IRGM: variants seen among roughly 807,000 people sequenced by gnomAD.
IRGM encodes the protein immunity-related GTPase family M protein.
For synonymous variants in IRGM, 98 were observed against 80.6 expected (o/e 1.22, Z -1.16); for missense variants, 288 against 219.9 (o/e 1.31, Z -1.96).
intron 1 of IRGM, among the ~76,000 whole-genome samples, chr5:150,864,687 T>G (rs550228441): frequency 6.6e-6 from 1 of 152,348 alleles, no homozygotes; most frequent in South Asian, 2.1e-4. Flanking sequence ...ATCACAAGGT[T>G]GGGTCTGCCC....
intron 3 of IRGM, among the ~76,000 whole-genome samples, chr5:150,887,706 G>T (rs1754547336): frequency 6.7e-6 from 1 of 149,146 alleles, no homozygotes; most frequent in African/African-American, 2.5e-5. Flanking sequence ...AGAAATGACA[G>T]GTCACCTGCA....
downstream of IRGM, among the ~76,000 whole-genome samples, chr5:150,901,721 C>T (rs1017605563): frequency 3.9e-5 from 6 of 151,958 alleles, no homozygotes; most frequent in African/African-American, 1.4e-4. Context: ...GGTTTTTACT[C>T]AATTCTCACA....
In IRGM at chr5:150,863,614, C is replaced by T. The variant is rs543763328; in HGVS notation, c.159-14366C>T. Among the ~76,000 whole-genome samples, 24 of 152,236 alleles carry T rather than the reference C, an allele frequency of 1.6e-4. No homozygotes were observed. In the South Asian group the frequency reaches 3.9e-3, roughly 25 times the overall value. On this transcript the variant is annotated intron_variant and NMD_transcript_variant, in intron 1 of 3. Coordinates refer to the IRGM transcript ENST00000520549. Reference sequence around the variant, plus strand: ...TGAACAATTATAATTCTTCATAATACATAAATGCATCAGTTTGGAATTTAC... The same window carrying T: ...TGAACAATTATAATTCTTCATAATATATAAATGCATCAGTTTGGAATTTAC...
intron 3 of IRGM, chr5:150,896,908 T>A: frequency 6.2e-7 from 1 of 1,613,492 alleles, no homozygotes; most frequent in Non-Finnish European, 8.5e-7. Flanking sequence ...CCTTTCAGTA[T>A]CTTATGATGG....
intron 1 of IRGM, among the ~76,000 whole-genome samples, chr5:150,868,569 G>A (rs927567931): frequency 1.8e-4 from 27 of 152,080 alleles, no homozygotes; most frequent in Admixed American, 4.6e-4. Context: ...TGGCAGTAAG[G>A]TCATTTTCAC....
At chr5:150,861,967 T>G (rs1754143277) in intron 1 of IRGM, among the ~76,000 whole-genome samples, 1 of 152,222 alleles carries the variant, frequency 6.6e-6, no homozygotes, top group African/African-American at 2.4e-5. Context: ...TCTTACAGAT[T>G]ATGTGGATGA....
chr5:150,889,687 T>C (rs1190977454), intron 3 of IRGM, among the ~76,000 whole-genome samples: 1 of 152,092 alleles, frequency 6.6e-6, no homozygotes, highest in Non-Finnish European at 1.5e-5. Flanking sequence ...ACTCAGTCTT[T>C]CACTATATGA....
chr5:150,852,750 C>T (rs1036212155), downstream of IRGM, among the ~76,000 whole-genome samples: 1 of 151,976 alleles, frequency 6.6e-6, no homozygotes, highest in African/African-American at 2.4e-5. Flanking sequence ...AGAATGTACC[C>T]TTTTTCATTC....
At chr5:150,893,112 T>C (rs1754641972) in intron 3 of IRGM, among the ~76,000 whole-genome samples, 3 of 152,140 alleles carry the variant, frequency 2.0e-5, no homozygotes, top group African/African-American at 4.8e-5. Flanking sequence ...TTAGGCAGAG[T>C]AAATTTTGTG....
intron 1 of IRGM, among the ~76,000 whole-genome samples, chr5:150,867,433 A>C (rs1754223707): frequency 6.6e-6 from 1 of 152,194 alleles, no homozygotes; most frequent in Non-Finnish European, 1.5e-5. Context: ...TTTTGCTGCT[A>C]TAAACATGCA....
chr5:150,851,838 T>C (rs1170075330), downstream of IRGM, among the ~76,000 whole-genome samples: 1 of 152,216 alleles, frequency 6.6e-6, no homozygotes, highest in Non-Finnish European at 1.5e-5. Context: ...ATCTGGAATT[T>C]GTGAAGTACA....
rs565483539 is a variant in IRGM, at chr5:150,885,662, A to ATT, written c.*140+6017_*140+6018dup. Among the ~76,000 whole-genome samples, 540 of 151,966 alleles carry ATT rather than the reference A, an allele frequency of 3.6e-3. 5 individuals are homozygous for ATT. The highest frequency in any genetic ancestry group is 0.012 in the African/African-American group (510 of 41,458). The stretch of plus-strand genomic sequence containing the variant: ...GGTTAGCTGTATTCTTAGGTATTTT[A>ATT]TTATTTTTATGGCAATTGTGAAAGG... On this transcript the variant is annotated intron_variant and NMD_transcript_variant, in intron 3 of 3. Coordinates refer to the IRGM transcript ENST00000520549.
At chr5:150,895,729 G>A (rs745330050) in intron 3 of IRGM, 17 of 1,613,508 alleles carry the variant, frequency 1.1e-5, no homozygotes, top group East Asian at 6.7e-5. Context: ...TGTGACTTCT[G>A]GCAGAAGGCT....
At chr5:150,898,323 G>A (rs1452390452) in intron 3 of IRGM, 1 of 1,598,040 alleles carries the variant, frequency 6.3e-7, no homozygotes, top group African/African-American at 1.3e-5. Flanking sequence ...AGGTATGAAG[G>A]TCATAAAAGT....
chr5:150,895,315 T>TA lies in IRGM; in HGVS notation c.*141-5269dup, dbSNP rs1273689345. Reference sequence around the variant, plus strand: ...TCACCAAACTAGAAACAAATTCCCTTAAAAATTTTTATCTATTGGGATGTT... The same window carrying TA: ...TCACCAAACTAGAAACAAATTCCCTTAAAAAATTTTTATCTATTGGGATGTT... On this transcript the variant is annotated intron_variant and NMD_transcript_variant, in intron 3 of 3. Transcript: ENST00000520549. 1.7e-5 allele frequency: 14 copies of TA among 825,218 alleles called. No homozygotes were observed. The East Asian group carries it at 3.7e-4, about 22-fold the overall frequency. 51.1% of individuals were successfully genotyped at this position (825,218 alleles called of 1,614,324 possible).
chr5:150,861,100 G>A (rs1268896923), intron 1 of IRGM, among the ~76,000 whole-genome samples: 1 of 152,154 alleles, frequency 6.6e-6, no homozygotes, highest in East Asian at 1.9e-4. Context: ...TGTGGTGGGA[G>A]CTATAACCTC....
downstream of IRGM, among the ~76,000 whole-genome samples, chr5:150,852,069 G>T (rs1753985615): frequency 6.6e-6 from 1 of 152,152 alleles, no homozygotes; most frequent in Non-Finnish European, 1.5e-5. Flanking sequence ...CCTTTTCAAA[G>T]ATGGATATTG....
At chr5:150,858,216 G>C (rs1581641783) in intron 1 of IRGM, among the ~76,000 whole-genome samples, 1 of 151,982 alleles carries the variant, frequency 6.6e-6, no homozygotes, top group Non-Finnish European at 1.5e-5. Flanking sequence ...TGTCAGGTTT[G>C]TCAAAGATCA....
chr5:150,870,981 A>G (rs115535341), intron 1 of IRGM, among the ~76,000 whole-genome samples: 2,669 of 149,224 alleles, frequency 0.018, 78 homozygotes, highest in African/African-American at 0.061. Flanking sequence ...ATTCCCACCA[A>G]AAAAAAAAAG....
Sources: allele counts gnomAD v4.1 joint callset (sites outside exome capture counted in the v4.1 genomes callset), GRCh38; gene constraint gnomAD v4.1.1; transcripts MANE v1.5; gene names NCBI Gene and HGNC (gene_info 2026-07-23, HGNC 2026-07-21).